YTHDC2: variants seen among roughly 807,000 people sequenced by gnomAD.
YTHDC2 encodes YTH N6-methyladenosine RNA binding protein C2, also known as 3'-5' RNA helicase YTHDC2.
In YTHDC2, 45 loss-of-function variants were observed where a neutral mutation model predicts 174.9. That is an observed-to-expected ratio of 0.26 (90% CI 0.20 to 0.33). YTHDC2 has a LOEUF of 0.33. Among genes scored for constraint, YTHDC2 ranks in the 10% least tolerant of loss-of-function variants. The probability of loss-of-function intolerance (pLI) is 1.00; values close to 1 mark genes in which losing one functional copy is unlikely to be tolerated. For synonymous variants in YTHDC2, 657 were observed against 574.5 expected (o/e 1.14, Z -2.05); for missense variants, 1,650 against 1,723.7 (o/e 0.96, Z 0.76).
At chr5:113,580,231 T>G (rs1778314429) in intron 24 of YTHDC2, among the ~76,000 whole-genome samples, 1 of 152,098 alleles carries the variant, frequency 6.6e-6, no homozygotes, top group Non-Finnish European at 1.5e-5. Context: ...GAGGTTAAGT[T>G]TCAACATGAA....
At chr5:113,560,368 C>T (rs889314559) in intron 17 of YTHDC2, among the ~76,000 whole-genome samples, 1 of 152,038 alleles carries the variant, frequency 6.6e-6, no homozygotes, top group African/African-American at 2.4e-5. Context: ...ATTTTTTTCT[C>T]TTTTAATTCC....
In YTHDC2 at chr5:113,568,198, A is replaced by T. The variant is rs1035769797; in HGVS notation, c.3244+349A>T. ...ATTTTTCTCATGCTAACACTTTTTA[A>T]TGTTATATTTTTTCTACATGTTTAC... On this transcript the variant is annotated intron_variant, in intron 23 of 29. Transcript: ENST00000161863. 2.0e-5 allele frequency among the ~76,000 whole-genome samples: 3 copies of T among 152,054 alleles called. No individual in the cohort carries two copies. The East Asian group carries it at 5.8e-4, about 29-fold the overall frequency.
At position 113,563,461 on chromosome 5, in the gene YTHDC2, T is replaced by C; in HGVS notation, c.2411T>C (p.Leu804Ser). The C allele has an allele frequency of 6.2e-7, 1 of 1,610,486 alleles. No homozygotes were observed. The highest frequency in any genetic ancestry group is 1.1e-5 in the South Asian group (1 of 90,210). ...LMKAPEPPPA[L>S]IVRNAVQMLK... ...AAAGCTCCTGAACCTCCACCAGCTT[T>C]AATTGTAAGAAATGCTGTACAAATG... is the stretch of plus-strand genomic sequence containing the variant. The change falls in exon 19 of 30, where the codon TTA becomes TCA. Residue 804 changes from leucine to serine, a missense_variant. Physicochemically the swap from Leu to Ser is moderately radical, Grantham distance 145 (BLOSUM62 -2). Coordinates refer to ENST00000161863, the MANE Select transcript of YTHDC2 (RefSeq NM_022828.5).
At position 113,567,404 on chromosome 5, in the gene YTHDC2, T is replaced by TTATATATATATATA. The variant is rs368320106; in HGVS notation, c.3048+117_3048+130dup. 33 of 287,558 alleles carry TTATATATATATATA rather than the reference T, an allele frequency of 1.1e-4. 1 individual carries two copies. The highest frequency in any genetic ancestry group is 9.4e-4 in the African/African-American group (25 of 26,554). The allele number at this position is 287,558 out of a possible 1,614,324, so 17.8% of individuals were successfully genotyped here. A position where few individuals can be genotyped will look rare whatever the true frequency, so the allele number is the denominator to read the frequency against. On this transcript the variant is annotated intron_variant, in intron 22 of 29. Coordinates refer to ENST00000161863, the MANE Select transcript of YTHDC2 (RefSeq NM_022828.5). ...CTGCCTGCTTTAAGAAATTAATTAG[T>TTATATATATATATA]TATATATATATATATATATATATCA... is the stretch of plus-strand genomic sequence containing the variant.
intron 6 of YTHDC2, 38 bp downstream of exon 6, chr5:113,534,445 T>A (rs1263195385): frequency 6.4e-7 from 1 of 1,557,608 alleles, no homozygotes; most frequent in Admixed American, 1.7e-5. Flanking sequence ...GTAACTCAGA[T>A]TGCTTAAAAT....
chr5:113,572,306 T>C (rs1429979004), intron 23 of YTHDC2, among the ~76,000 whole-genome samples: 1 of 152,264 alleles, frequency 6.6e-6, no homozygotes, highest in Non-Finnish European at 1.5e-5. Flanking sequence ...TCTTGAGTTC[T>C]AATTTGATTG....
intron 12 of YTHDC2, among the ~76,000 whole-genome samples, chr5:113,550,854 A>G (rs1342707032): frequency 2.0e-5 from 3 of 152,108 alleles, no homozygotes; most frequent in African/African-American, 4.8e-5. Context: ...GAAATTTTAG[A>G]TAAATTTACA....
chr5:113,590,356 C>A (rs74596110), intron 26 of YTHDC2, among the ~76,000 whole-genome samples: 1,588 of 152,282 alleles, frequency 0.01, 29 homozygotes, highest in African/African-American at 0.037. Context: ...TGGGCCAGTA[C>A]CATATATATT....
chr5:113,550,499 GA>G (rs1243897868), intron 12 of YTHDC2, among the ~76,000 whole-genome samples: 1 of 152,142 alleles, frequency 6.6e-6, no homozygotes, highest in Non-Finnish European at 1.5e-5. Flanking sequence ...AGTAAAGGCT[GA>G]ATGAAGATTT....
intron 5 of YTHDC2, 119 bp from the exon 6 acceptor site, chr5:113,534,186 C>G: frequency 1.4e-6 from 1 of 735,978 alleles, no homozygotes; most frequent in Non-Finnish European, 2.3e-6. Flanking sequence ...ACTGTACATA[C>G]CGGTACACTA....
At chr5:113,580,142 C>G (rs1207039209) in intron 24 of YTHDC2, among the ~76,000 whole-genome samples, 1 of 152,052 alleles carries the variant, frequency 6.6e-6, no homozygotes, top group Non-Finnish European at 1.5e-5. Flanking sequence ...ATAAGGATAC[C>G]TAATCCCATT....
Position 113,553,215 on chromosome 5 carries a change from T to C in YTHDC2, c.1723T>C (p.Ser575Pro). ...GGAATTTGGAAATCTAGATGAAAGT[T>C]CTCTGGTTCAAACAAATGGAAGTGA... ...TLEFGNLDES[S>P]LVQTNGSDLS... Residue 575 changes from serine to proline, a missense_variant, in exon 13 of 30, where the codon TCT (serine) becomes CCT (proline). By Grantham distance (74) the Ser-to-Pro change is moderately conservative (BLOSUM62 -1). Around this residue, in one of 5 missense-constraint regions of YTHDC2, gnomAD observed 411 missense variants for 380.6 expected, o/e 1.08. Transcript: ENST00000161863. 1 of 1,565,128 alleles carries C rather than the reference T, an allele frequency of 6.4e-7. No individual in the cohort carries two copies. The highest frequency in any genetic ancestry group is 1.4e-5 in the African/African-American group (1 of 71,758).
intron 18 of YTHDC2, 121 bp downstream of exon 18, chr5:113,561,306 A>G: frequency 1.6e-6 from 1 of 642,754 alleles, no homozygotes; most frequent in Non-Finnish European, 2.5e-6. Context: ...TTCAATATAT[A>G]TTATGGAGGG....
intron 24 of YTHDC2, among the ~76,000 whole-genome samples, chr5:113,580,999 T>C (rs1473397820): frequency 6.6e-6 from 1 of 152,176 alleles, no homozygotes; most frequent in Non-Finnish European, 1.5e-5. Context: ...TATTTTGCAA[T>C]CATTTAGGAA....
intron 7 of YTHDC2, 46 bp downstream of exon 7, chr5:113,535,844 A>T: frequency 6.9e-7 from 1 of 1,459,630 alleles, no homozygotes; most frequent in South Asian, 1.3e-5. Flanking sequence ...ATGAAAGAAC[A>T]CTTTTGGACA....
chr5:113,555,263 A>G (rs993650042), intron 16 of YTHDC2, among the ~76,000 whole-genome samples: 5 of 152,104 alleles, frequency 3.3e-5, no homozygotes, highest in Non-Finnish European at 5.9e-5. Context: ...TTTAACATAC[A>G]AAATTGACAA....
chr5:113,517,042 C>T (rs1773478330), intron 2 of YTHDC2, among the ~76,000 whole-genome samples: 1 of 152,066 alleles, frequency 6.6e-6, no homozygotes, highest in South Asian at 2.1e-4. Context: ...AACACTTGGG[C>T]TAAATATATT....
At chr5:113,527,811 C>T (rs994703789) in intron 4 of YTHDC2, among the ~76,000 whole-genome samples, 2 of 151,956 alleles carry the variant, frequency 1.3e-5, no homozygotes, top group Non-Finnish European at 2.9e-5. Flanking sequence ...TTTTTTGAGA[C>T]CAAGTCTCTG....
chr5:113,567,546 C>CTAATA, intron 22 of YTHDC2, 108 bp from the exon 23 acceptor site: 1 of 988,516 alleles, frequency 1.0e-6, no homozygotes, highest in Admixed American at 3.3e-5. Flanking sequence ...TGCTTACGTA[C>CTAATA]TAATATACAT....
Sources: allele counts gnomAD v4.1 joint callset (sites outside exome capture counted in the v4.1 genomes callset), GRCh38; gene constraint gnomAD v4.1.1; regional missense constraint gnomAD v4.1.1; transcripts MANE v1.5; gene names NCBI Gene and HGNC (gene_info 2026-07-23, HGNC 2026-07-21).